TMEM178B: variants seen among roughly 807,000 people sequenced by gnomAD.
TMEM178B encodes transmembrane protein 178B.
A neutral mutation model predicts 31.0 loss-of-function variants in TMEM178B; 5 were observed. The observed-to-expected ratio is 0.16, with a 90% CI of 0.08 to 0.34. TMEM178B has a LOEUF of 0.34. Among genes scored for constraint, TMEM178B ranks in the 10% least tolerant of loss-of-function variants. TMEM178B has a pLI of 1.00. For missense variants in TMEM178B, 275 were observed against 400.3 expected, an observed-to-expected ratio of 0.69 and a Z score of 2.67; for synonymous variants, 164 against 164.0, an observed-to-expected ratio of 1.00 and a Z score of 0.00.
intron 1 of TMEM178B, among the ~76,000 whole-genome samples, chr7:141,130,053 A>G (rs1207564012): frequency 6.6e-6 from 1 of 152,182 alleles, no homozygotes; most frequent in African/African-American, 2.4e-5. Flanking sequence ...TCAGATTCCT[A>G]TTCATATCTT....
At chr7:141,391,175 CT>C in intron 2 of TMEM178B, among the ~76,000 whole-genome samples, 1 of 150,978 alleles carries the variant, frequency 6.6e-6, no homozygotes. Flanking sequence ...CAACCCCCTG[CT>C]TTTTTTTTGA....
intron 2 of TMEM178B, among the ~76,000 whole-genome samples, chr7:141,315,345 A>G (rs969608149): frequency 6.6e-6 from 1 of 151,368 alleles, no homozygotes; most frequent in African/African-American, 2.4e-5. Flanking sequence ...TCATTAAAAA[A>G]CTCTGATTCA....
intron 1 of TMEM178B, among the ~76,000 whole-genome samples, chr7:141,170,928 CAT>C (rs1192394392): frequency 1.3e-5 from 2 of 152,080 alleles, no homozygotes; most frequent in Non-Finnish European, 2.9e-5. Context: ...CAATCAATGT[CAT>C]GTGACTTACA....
At chr7:141,414,449 A>G (rs759232568) in intron 2 of TMEM178B, 1 of 152,566 alleles carries the variant, frequency 6.6e-6, no homozygotes, top group Non-Finnish European at 1.5e-5. Context: ...TTCTATAACC[A>G]TATACCAATT....
intron 1 of TMEM178B, among the ~76,000 whole-genome samples, chr7:141,104,030 C>G (rs900850857): frequency 7.2e-5 from 11 of 152,174 alleles, no homozygotes; most frequent in Non-Finnish European, 1.2e-4. Flanking sequence ...TCACCTACCC[C>G]CTGCCATGCA....
chr7:141,397,791 C>T (rs1007674117), intron 2 of TMEM178B, among the ~76,000 whole-genome samples: 1 of 152,200 alleles, frequency 6.6e-6, no homozygotes, highest in Non-Finnish European at 1.5e-5. Flanking sequence ...TCCAATTCCT[C>T]ATGTGTAATG....
intron 2 of TMEM178B, among the ~76,000 whole-genome samples, chr7:141,298,456 G>A (rs1188927431): frequency 2.0e-5 from 3 of 152,172 alleles, no homozygotes; most frequent in Non-Finnish European, 4.4e-5. Context: ...AGCTGGGCCC[G>A]ATTATCTTCA....
At chr7:141,504,438 CA>C in the TMEM178B span, among the ~76,000 whole-genome samples, 1 of 151,900 alleles carries the variant, frequency 6.6e-6, no homozygotes, top group Non-Finnish European at 1.5e-5. Flanking sequence ...AAAGGAGCCA[CA>C]AAAAAATACG....
chr7:141,349,289 A>G (rs1262240970), intron 2 of TMEM178B, among the ~76,000 whole-genome samples: 2 of 152,170 alleles, frequency 1.3e-5, no homozygotes, highest in Non-Finnish European at 2.9e-5. Flanking sequence ...AAAAGACACT[A>G]TGTATATTTA....
chr7:141,095,808 A>T (rs1341695165), intron 1 of TMEM178B, among the ~76,000 whole-genome samples: 20 of 152,206 alleles, frequency 1.3e-4, no homozygotes. Context: ...GTGGAAGCAG[A>T]TCAGAACCAT....
intron 2 of TMEM178B, among the ~76,000 whole-genome samples, chr7:141,373,910 C>T (rs1246874932): frequency 6.6e-6 from 1 of 152,212 alleles, no homozygotes; most frequent in Non-Finnish European, 1.5e-5. Context: ...AACTATGCCC[C>T]CAAATTCCTC....
intron 1 of TMEM178B, among the ~76,000 whole-genome samples, chr7:141,098,790 C>T (rs1795006082): frequency 6.6e-6 from 1 of 152,148 alleles, no homozygotes; most frequent in South Asian, 2.1e-4. Context: ...TGCGTATCTG[C>T]ATTAGATAAC....
intron 2 of TMEM178B, among the ~76,000 whole-genome samples, chr7:141,231,129 G>A (rs1391048452): frequency 1.3e-5 from 2 of 152,136 alleles, no homozygotes; most frequent in African/African-American, 4.8e-5. Context: ...TACAGCTTGG[G>A]GAACTCCCAA....
intron 1 of TMEM178B, among the ~76,000 whole-genome samples, chr7:141,085,588 T>TAAACATA (rs1794770886): frequency 9.2e-5 from 14 of 151,638 alleles, no homozygotes; most frequent in African/African-American, 2.9e-4. Flanking sequence ...TTCTATATTC[T>TAAACATA]GGAGCTCACT....
At chr7:141,316,531 G>A (rs1799007950) in intron 2 of TMEM178B, among the ~76,000 whole-genome samples, 1 of 151,878 alleles carries the variant, frequency 6.6e-6, no homozygotes, top group South Asian at 2.1e-4. Context: ...GGGACAGCCT[G>A]GAAAAATTGC....
chr7:141,143,727 T>C (rs979753288), intron 1 of TMEM178B, among the ~76,000 whole-genome samples: 1 of 152,172 alleles, frequency 6.6e-6, no homozygotes, highest in African/African-American at 2.4e-5. Flanking sequence ...ATAAATGTTA[T>C]AATAGTTTTT....
chr7:141,185,196 CTTTAG>C (rs1326296404), intron 1 of TMEM178B, among the ~76,000 whole-genome samples: 15 of 152,196 alleles, frequency 9.9e-5, no homozygotes, highest in African/African-American at 3.4e-4. Flanking sequence ...ACAGGGTGCT[CTTTAG>C]TTTAGCCGTC....
At chr7:141,387,950 T>C (rs577554154) in intron 2 of TMEM178B, among the ~76,000 whole-genome samples, 31 of 152,324 alleles carry the variant, frequency 2.0e-4, no homozygotes, top group Non-Finnish European at 3.8e-4. Context: ...CCACCTGCAC[T>C]GAAACCTGCC....
At chr7:141,462,588 G>C (rs1217845767) in intron 3 of TMEM178B, among the ~76,000 whole-genome samples, 1 of 152,038 alleles carries the variant, frequency 6.6e-6, no homozygotes, top group Non-Finnish European at 1.5e-5. Context: ...AGATAGCCAA[G>C]CAGGAGGAAG....
Sources: allele counts gnomAD v4.1 joint callset (sites outside exome capture counted in the v4.1 genomes callset), GRCh38; gene constraint gnomAD v4.1.1; transcripts MANE v1.5; gene names NCBI Gene and HGNC (gene_info 2026-07-23, HGNC 2026-07-21).